The following CERS6 variants were observed in gnomAD, a reference collection of about 807,000 sequenced individuals.
The protein encoded by CERS6 is LAG1 homolog, ceramide synthase 6.
CERS6 carries 26 observed loss-of-function variants against 56.8 expected under a neutral mutation model. The ratio of observed to expected loss-of-function variants is 0.46; its 90% CI spans 0.34 to 0.63. The LOEUF is 0.63. Among genes scored for constraint, CERS6 ranks in the 30% least tolerant of loss-of-function variants. CERS6 has a pLI of 0.01. For synonymous variants in CERS6, 164 were observed against 173.3 expected, an observed-to-expected ratio of 0.95 and a Z score of 0.42; for missense variants, 415 against 467.5, an observed-to-expected ratio of 0.89 and a Z score of 1.04.
intron 3 of CERS6, among the ~76,000 whole-genome samples, chr2:168,596,827 C>G (rs1378181190): frequency 6.6e-6 from 1 of 152,066 alleles, no homozygotes; most frequent in Non-Finnish European, 1.5e-5. Flanking sequence ...CCACCATGCC[C>G]GGCTCCCATC....
intron 4 of CERS6, among the ~76,000 whole-genome samples, chr2:168,641,939 A>G (rs1293107102): frequency 6.6e-6 from 1 of 152,178 alleles, no homozygotes; most frequent in Admixed American, 6.5e-5. Flanking sequence ...ATTTTGTTAA[A>G]AATTTTTTGG....
At chr2:168,742,848 T>C (rs953543829) in intron 8 of CERS6, among the ~76,000 whole-genome samples, 8 of 152,076 alleles carry the variant, frequency 5.3e-5, no homozygotes, top group Non-Finnish European at 1.2e-4. Context: ...CTAATTGCAG[T>C]GGGGGGTCAT....
At chr2:168,726,642 A>G (rs906999249) in intron 8 of CERS6, among the ~76,000 whole-genome samples, 2 of 152,232 alleles carry the variant, frequency 1.3e-5, no homozygotes, top group Non-Finnish European at 2.9e-5. Flanking sequence ...CCTCATCGGT[A>G]AAATAATGGT....
intron 8 of CERS6, among the ~76,000 whole-genome samples, chr2:168,744,639 TCAATA>T (rs1209537134): frequency 4.6e-5 from 7 of 152,180 alleles, no homozygotes; most frequent in African/African-American, 1.7e-4. Flanking sequence ...TCTGCTGTCC[TCAATA>T]AAGTGGATAG....
At chr2:168,761,338 A>G (rs763132977) in intron 8 of CERS6, among the ~76,000 whole-genome samples, 1 of 140,882 alleles carries the variant, frequency 7.1e-6, no homozygotes, top group Admixed American at 6.9e-5. Flanking sequence ...TGTGAATGCC[A>G]TGTCGCCAAC....
At chr2:168,642,885 G>A (rs1340358644) in intron 4 of CERS6, among the ~76,000 whole-genome samples, 1 of 152,198 alleles carries the variant, frequency 6.6e-6, no homozygotes, top group Non-Finnish European at 1.5e-5. Context: ...TGAATTGTCA[G>A]GATCTACTTT....
intron 8 of CERS6, among the ~76,000 whole-genome samples, chr2:168,736,180 C>T (rs1003774513): frequency 6.6e-6 from 1 of 152,170 alleles, no homozygotes; most frequent in Non-Finnish European, 1.5e-5. Flanking sequence ...TGTAATAAGG[C>T]CTTCCTTGGT....
chr2:168,525,474 A>C (rs1185977006), intron 1 of CERS6, among the ~76,000 whole-genome samples: 1 of 152,222 alleles, frequency 6.6e-6, no homozygotes, highest in African/African-American at 2.4e-5. Context: ...ATTGGGCCTG[A>C]GAGTCTGCAT....
chr2:168,703,331 C>T (rs1217238071), intron 6 of CERS6, among the ~76,000 whole-genome samples: 1 of 152,004 alleles, frequency 6.6e-6, no homozygotes, highest in African/African-American at 2.4e-5. Context: ...ACGAGGCAGG[C>T]GGATCACTTG....
chr2:168,645,134 TATATATATAG>T (rs1174696408), intron 4 of CERS6, among the ~76,000 whole-genome samples: 7 of 38,824 alleles, frequency 1.8e-4, no homozygotes, highest in Non-Finnish European at 2.7e-4. Context: ...TATATATATA[TATATATATAG>T]AGAGAGAGAG....
At chr2:168,496,437 G>T (rs796310729) in intron 1 of CERS6, among the ~76,000 whole-genome samples, 7 of 152,168 alleles carry the variant, frequency 4.6e-5, no homozygotes, top group Admixed American at 1.3e-4. Context: ...ATATAAGCGG[G>T]TGGTCTGAGT....
intron 3 of CERS6, among the ~76,000 whole-genome samples, chr2:168,562,233 G>T (rs1325752186): frequency 6.6e-6 from 1 of 152,080 alleles, no homozygotes; most frequent in Non-Finnish European, 1.5e-5. Context: ...TCAATTATGT[G>T]AAAAAAGTGT....
At chr2:168,665,991 T>TGTGTGTGTGTGTGTGTGTGTG (rs1685751349) in intron 4 of CERS6, among the ~76,000 whole-genome samples, 1 of 146,942 alleles carries the variant, frequency 6.8e-6, no homozygotes, top group African/African-American at 2.5e-5. Flanking sequence ...TGTGTGTGTG[T>TGTGTGTGTGTGTGTGTGTGTG]AGTTTTAGGT....
chr2:168,548,787 T>C (rs1290605593), intron 2 of CERS6, among the ~76,000 whole-genome samples: 2 of 152,198 alleles, frequency 1.3e-5, no homozygotes, highest in Non-Finnish European at 2.9e-5. Context: ...TTTCCCTCTG[T>C]CCTTTTAAAA....
Position 168,535,380 on chromosome 2 carries a change from C to T in CERS6, c.171-12216C>T, listed in dbSNP as rs533907168. Among the ~76,000 whole-genome samples, 74 of 152,246 alleles carry T rather than the reference C, an allele frequency of 4.9e-4. 2 individuals are homozygous for T. Among genetic ancestry groups the T allele is most frequent in the Middle Eastern group, 6.8e-3 (2 of 292 alleles). Reference sequence around the variant, plus strand: ...TTCTGATCCATGGGTTGCACCATTCCGTGGAAAAGGCACGGATTCCCTGGC... The same window carrying T: ...TTCTGATCCATGGGTTGCACCATTCTGTGGAAAAGGCACGGATTCCCTGGC... On this transcript the variant is annotated intron_variant, in intron 1 of 9. Coordinates refer to ENST00000305747, the MANE Select transcript of CERS6 (RefSeq NM_203463.3).
chr2:168,544,262 A>G (rs537572904), intron 1 of CERS6, among the ~76,000 whole-genome samples: 29 of 152,282 alleles, frequency 1.9e-4, no homozygotes, highest in Admixed American at 4.6e-4. Flanking sequence ...AGCCTGTCCA[A>G]TGAATCAGAG....
chr2:168,601,466 C>T (rs1372391204), intron 3 of CERS6, among the ~76,000 whole-genome samples: 1 of 152,014 alleles, frequency 6.6e-6, no homozygotes, highest in Non-Finnish European at 1.5e-5. Flanking sequence ...TAAACAGTTT[C>T]TAGCACTAGT....
chr2:168,561,302 G>A lies in CERS6; in HGVS notation c.387G>A (p.Leu129=), dbSNP rs773137836. 1.2e-6 allele frequency: 2 copies of A among 1,614,032 alleles called. No individual in the cohort carries two copies. Among genetic ancestry groups the A allele is most frequent in the Admixed American group, 1.7e-5 (1 of 60,010 alleles). Residue 129 remains leucine (L), a synonymous_variant, in exon 3 of 10, where the codon CTG becomes CTA. Coordinates refer to ENST00000305747, the MANE Select transcript of CERS6 (RefSeq NM_203463.3). ...GCAATCAGGAGAAGCCAAGCACGCT[G>A]ACGAGGTTCTGTGAGAGCATGTAAG... The part of the protein sequence containing the change: ...QRRNQEKPST[L]TRFCESMWRF...
chr2:168,548,890 T>G (rs1266941409), intron 2 of CERS6, among the ~76,000 whole-genome samples: 2 of 152,208 alleles, frequency 1.3e-5, no homozygotes, highest in Non-Finnish European at 2.9e-5. Context: ...TAGGAAAAGC[T>G]CTTTTGATGG....
Sources: gnomAD v4.1 joint callset for allele counts (sites outside exome capture counted in the v4.1 genomes callset) on GRCh38, gnomAD v4.1.1 for gene constraint, MANE v1.5 for transcripts, NCBI Gene and HGNC (gene_info 2026-07-23, HGNC 2026-07-21) for gene names.